SPAG16: variants seen among roughly 807,000 people sequenced by gnomAD.
SPAG16 encodes sperm-associated antigen 16 protein.
Under a neutral mutation model 80.4 loss-of-function variants are expected in SPAG16, and 86 were observed. The ratio of observed to expected loss-of-function variants is 1.07; its 90% CI spans 0.90 to 1.28. SPAG16 has a LOEUF of 1.28. SPAG16 is among the 50% of genes most tolerant of loss of function. SPAG16 has a pLI of 0.00. For missense variants in SPAG16, 870 were observed against 765.3 expected, an observed-to-expected ratio of 1.14 and a Z score of -1.61; for synonymous variants, 294 against 265.9, an observed-to-expected ratio of 1.11 and a Z score of -1.03.
intron 15 of SPAG16, among the ~76,000 whole-genome samples, chr2:214,401,945 A>C (rs183839604): frequency 4.6e-5 from 7 of 152,076 alleles, no homozygotes; most frequent in African/African-American, 1.7e-4. Flanking sequence ...TGATAGATAT[A>C]ACATTTAATA....
At chr2:214,104,272 C>A (rs1246316135) in intron 13 of SPAG16, among the ~76,000 whole-genome samples, 3 of 152,252 alleles carry the variant, frequency 2.0e-5, no homozygotes, top group East Asian at 1.9e-4. Flanking sequence ...AAGAGCCGAA[C>A]AATACAGGGC....
At chr2:214,075,356 G>T (rs900791074) in intron 13 of SPAG16, among the ~76,000 whole-genome samples, 5 of 151,888 alleles carry the variant, frequency 3.3e-5, no homozygotes, top group African/African-American at 1.2e-4. Flanking sequence ...ATGTACAATA[G>T]TACATAATTA....
intron 10 of SPAG16, among the ~76,000 whole-genome samples, chr2:213,727,963 T>C (rs10469773): frequency 0.93 from 141,264 of 152,042 alleles, 66,544 homozygotes; most frequent in East Asian, 1. Context: ...ATTCTTCTTC[T>C]TCAGCCTCCT....
chr2:213,790,685 C>T (rs954625397), intron 10 of SPAG16, among the ~76,000 whole-genome samples: 1 of 151,894 alleles, frequency 6.6e-6, no homozygotes, highest in African/African-American at 2.4e-5. Context: ...TATGCATCCT[C>T]AAGCATCTAT....
At chr2:213,866,583 A>G (rs1169715100) in intron 11 of SPAG16, among the ~76,000 whole-genome samples, 2 of 143,246 alleles carry the variant, frequency 1.4e-5, no homozygotes, top group African/African-American at 6.1e-5. Context: ...TGGATTTTGG[A>G]ACAGCTAAAA....
intron 10 of SPAG16, among the ~76,000 whole-genome samples, chr2:213,803,145 G>C (rs1162105071): frequency 1.3e-5 from 2 of 152,108 alleles, no homozygotes; most frequent in Non-Finnish European, 1.5e-5. Flanking sequence ...AGAAATGTAT[G>C]TATCCTACAA....
intron 10 of SPAG16, among the ~76,000 whole-genome samples, chr2:213,811,897 C>T (rs998538458): frequency 2.6e-5 from 4 of 151,928 alleles, no homozygotes; most frequent in East Asian, 1.9e-4. Flanking sequence ...CTGGATGACA[C>T]GGGTACACTC....
intron 15 of SPAG16, among the ~76,000 whole-genome samples, chr2:214,363,686 G>A (rs1699314307): frequency 6.6e-6 from 1 of 151,994 alleles, no homozygotes; most frequent in African/African-American, 2.4e-5. Context: ...GGGGGCTGAG[G>A]AAAGAGGGCA....
intron 12 of SPAG16, among the ~76,000 whole-genome samples, chr2:214,012,315 A>T (rs2047353215): frequency 2.0e-5 from 1 of 49,628 alleles, no homozygotes; most frequent in Non-Finnish European, 3.5e-5. Context: ...TTTTTCCTCG[A>T]GAGGGCATCT....
chr2:213,345,848 T>A (rs1193318560), intron 6 of SPAG16, among the ~76,000 whole-genome samples: 1 of 152,246 alleles, frequency 6.6e-6, no homozygotes, highest in Non-Finnish European at 1.5e-5. Flanking sequence ...TGCTTAGGAT[T>A]GACTTAGCAA....
At chr2:214,316,695 A>T (rs1695720008) in intron 15 of SPAG16, among the ~76,000 whole-genome samples, 1 of 152,184 alleles carries the variant, frequency 6.6e-6, no homozygotes, top group Non-Finnish European at 1.5e-5. Flanking sequence ...ATCTTAAATA[A>T]ATAAGCGTAG....
intron 12 of SPAG16, among the ~76,000 whole-genome samples, chr2:213,935,174 C>G (rs2078935627): frequency 7.0e-6 from 1 of 142,044 alleles, no homozygotes; most frequent in Non-Finnish European, 1.5e-5. Flanking sequence ...TGCACTCCAG[C>G]CTGGGCAACA....
chr2:213,807,157 A>G (rs2071818551), intron 10 of SPAG16, among the ~76,000 whole-genome samples: 1 of 152,142 alleles, frequency 6.6e-6, no homozygotes, highest in East Asian at 1.9e-4. Flanking sequence ...CTAAACTCTC[A>G]GTATTATGTG....
At chr2:213,869,264 A>AAAAT (rs552335638) in intron 11 of SPAG16, among the ~76,000 whole-genome samples, 1,794 of 63,570 alleles carry the variant, frequency 0.028, 56 homozygotes, top group South Asian at 0.07. Flanking sequence ...AAAAAAAAAA[A>AAAAT]ATATATATAT....
At chr2:213,841,318 A>C (rs2074354979) in intron 10 of SPAG16, among the ~76,000 whole-genome samples, 1 of 152,160 alleles carries the variant, frequency 6.6e-6, no homozygotes. Context: ...GCATGACATA[A>C]GGGTAGTTTG....
chr2:213,598,586 A>G (rs2060956805), intron 10 of SPAG16, among the ~76,000 whole-genome samples: 1 of 152,146 alleles, frequency 6.6e-6, no homozygotes, highest in African/African-American at 2.4e-5. Context: ...ATTAAGAATG[A>G]TCTGACCTCC....
chr2:214,030,062 G>T (rs945415702), intron 13 of SPAG16, among the ~76,000 whole-genome samples: 5 of 152,052 alleles, frequency 3.3e-5, no homozygotes, highest in Non-Finnish European at 7.4e-5. Flanking sequence ...AGGCACTCTT[G>T]TACAGCAGAG....
chr2:213,839,308 G>T (rs990048554), intron 10 of SPAG16, among the ~76,000 whole-genome samples: 6 of 152,140 alleles, frequency 3.9e-5, no homozygotes, highest in African/African-American at 1.4e-4. Flanking sequence ...TGATTCAAAA[G>T]AAAATACTTG....
chr2:214,401,228 A>G (rs1434301356), intron 15 of SPAG16, among the ~76,000 whole-genome samples: 1 of 152,002 alleles, frequency 6.6e-6, no homozygotes, highest in East Asian at 1.9e-4. Context: ...CTTTTAAAGA[A>G]ACAGCAGATG....
Sources: gnomAD v4.1 joint callset for allele counts (sites outside exome capture counted in the v4.1 genomes callset) on GRCh38, gnomAD v4.1.1 for gene constraint, MANE v1.5 for transcripts, NCBI Gene and HGNC (gene_info 2026-07-23, HGNC 2026-07-21) for gene names.